The following SKAP1 variants were observed in gnomAD, a reference collection of about 807,000 sequenced individuals.
SKAP1 encodes src kinase associated phosphoprotein 1, also known as src kinase-associated phosphoprotein 1.
Under a neutral mutation model 58.5 loss-of-function variants are expected in SKAP1, and 44 were observed. That is an observed-to-expected ratio of 0.75 (90% CI 0.59 to 0.97). The LOEUF (loss-of-function observed/expected upper bound fraction) is 0.97. Among genes scored for constraint, SKAP1 ranks in the 50% least tolerant of loss-of-function variants. The probability of loss-of-function intolerance (pLI) is 0.00; values close to 1 mark genes in which losing one functional copy is unlikely to be tolerated. For missense variants in SKAP1, 390 were observed against 435.2 expected (o/e 0.90, Z 0.92); for synonymous variants, 127 against 149.7 (o/e 0.85, Z 1.11).
chr17:48,134,080 C>T (rs2063670567), intron 12 of SKAP1, among the ~76,000 whole-genome samples: 1 of 151,928 alleles, frequency 6.6e-6, no homozygotes, highest in Non-Finnish European at 1.5e-5. Context: ...TTAAACTTAC[C>T]AACATATTTC....
intron 11 of SKAP1, among the ~76,000 whole-genome samples, chr17:48,146,127 C>T (rs2063829874): frequency 6.6e-6 from 1 of 152,082 alleles, no homozygotes; most frequent in Admixed American, 6.6e-5. Context: ...TCTTTATGGG[C>T]TGGATCTGTA....
chr17:48,279,507 G>A (rs911235275), intron 4 of SKAP1, among the ~76,000 whole-genome samples: 3 of 152,214 alleles, frequency 2.0e-5, no homozygotes, highest in Admixed American at 6.5e-5. Flanking sequence ...AAATCTACTG[G>A]AAATTTTACA....
chr17:48,364,943 G>C (rs1236707264), intron 2 of SKAP1, among the ~76,000 whole-genome samples: 1 of 151,770 alleles, frequency 6.6e-6, no homozygotes, highest in Non-Finnish European at 1.5e-5. Flanking sequence ...GAATGCAATG[G>C]CATGAACGTC....
At chr17:48,386,900 G>A (rs2067285102) in intron 2 of SKAP1, among the ~76,000 whole-genome samples, 1 of 152,190 alleles carries the variant, frequency 6.6e-6, no homozygotes, top group African/African-American at 2.4e-5. Context: ...TTCAGTAGAA[G>A]AACAAGAGAC....
At chr17:48,433,988 C>T (rs2067929944), upstream of SKAP1, among the ~76,000 whole-genome samples, 1 of 152,238 alleles carries the variant, frequency 6.6e-6, no homozygotes, top group South Asian at 2.1e-4. Context: ...AGCTGGCTGG[C>T]ACCGCTCTGC....
At chr17:48,237,886 T>C (rs1176447082) in intron 4 of SKAP1, among the ~76,000 whole-genome samples, 1 of 151,342 alleles carries the variant, frequency 6.6e-6, no homozygotes, top group African/African-American at 2.4e-5. Context: ...AAGACTGGGC[T>C]GGTGAAGGGA....
intron 4 of SKAP1, among the ~76,000 whole-genome samples, chr17:48,216,085 C>T (rs995559573): frequency 6.6e-6 from 1 of 152,164 alleles, no homozygotes; most frequent in African/African-American, 2.4e-5. Flanking sequence ...GAAATTACCT[C>T]ATTCTGAGCT....
chr17:48,161,820 G>A (rs1174449953), intron 11 of SKAP1, among the ~76,000 whole-genome samples: 2 of 152,068 alleles, frequency 1.3e-5, no homozygotes, highest in Non-Finnish European at 2.9e-5. Context: ...TAGCCAGAAT[G>A]TTTTCAATAG....
At chr17:48,343,316 C>T (rs2144319704) in intron 4 of SKAP1, among the ~76,000 whole-genome samples, 1 of 152,236 alleles carries the variant, frequency 6.6e-6, no homozygotes, top group South Asian at 2.1e-4. Context: ...AAAATTTTGA[C>T]ACCTTTATAA....
chr17:48,284,322 T>G (rs1451963407), intron 4 of SKAP1, among the ~76,000 whole-genome samples: 4 of 152,226 alleles, frequency 2.6e-5, no homozygotes, highest in Non-Finnish European at 5.9e-5. Flanking sequence ...AATAAAAACT[T>G]TATGGTGGGT....
At chr17:48,328,899 C>T (rs1483779967) in intron 4 of SKAP1, among the ~76,000 whole-genome samples, 1 of 152,130 alleles carries the variant, frequency 6.6e-6, no homozygotes, top group Non-Finnish European at 1.5e-5. Context: ...ATACTATTTT[C>T]AGGTACTCTT....
chr17:48,321,788 C>A (rs753135772), intron 4 of SKAP1, among the ~76,000 whole-genome samples: 1 of 152,188 alleles, frequency 6.6e-6, no homozygotes, highest in Non-Finnish European at 1.5e-5. Flanking sequence ...TGGCAAGCAT[C>A]TCCTAATCTT....
intron 4 of SKAP1, among the ~76,000 whole-genome samples, chr17:48,291,326 T>A (rs894736819): frequency 1.3e-5 from 2 of 152,046 alleles, no homozygotes; most frequent in African/African-American, 4.8e-5. Context: ...GAAAAAAAAA[T>A]TACTCTCTCT....
Position 48,237,489 on chromosome 17 carries a change from T to C in SKAP1, c.281-47989A>G, listed in dbSNP as rs2065194346. Among the ~76,000 whole-genome samples the C allele has an allele frequency of 3.3e-5, 5 of 152,218 alleles. No homozygotes were observed. The South Asian group carries it at 1.0e-3, about 32-fold the overall frequency. On this transcript the variant is annotated intron_variant, in intron 4 of 12. Coordinates refer to ENST00000336915, the MANE Select transcript of SKAP1 (RefSeq NM_003726.4). ...AGCTATGCTGCCTTACTAAAGATTG[T>C]GTAAGCCATGGTACAGCATTTAAAT...
chr17:48,409,525 T>C (rs2067634824), intron 1 of SKAP1, among the ~76,000 whole-genome samples: 1 of 151,892 alleles, frequency 6.6e-6, no homozygotes, highest in East Asian at 1.9e-4. Context: ...AAGAATTAGC[T>C]GGGCATGGTG....
chr17:48,444,355 A>C, the SKAP1 span, among the ~76,000 whole-genome samples: 1 of 152,146 alleles, frequency 6.6e-6, no homozygotes, highest in Non-Finnish European at 1.5e-5. Flanking sequence ...GTGCCACTGC[A>C]CTCCAGCCTG....
intron 4 of SKAP1, among the ~76,000 whole-genome samples, chr17:48,329,412 ACAAT>A (rs1299025397): frequency 1.3e-5 from 2 of 152,222 alleles, no homozygotes. Context: ...TGGAGGAGTA[ACAAT>A]CAACGTGGCT....
chr17:48,189,358 C>G (rs563249464), intron 5 of SKAP1, 65 bp downstream of exon 5: 2 of 1,334,612 alleles, frequency 1.5e-6, no homozygotes, highest in South Asian at 1.2e-5. Flanking sequence ...AATGTGTTAG[C>G]CTTCTTTTTC....
intron 4 of SKAP1, among the ~76,000 whole-genome samples, chr17:48,260,708 T>A (rs1470108712): frequency 6.6e-6 from 1 of 152,136 alleles, no homozygotes; most frequent in Admixed American, 6.5e-5. Flanking sequence ...GTTAATGACA[T>A]TATTTATATC....
Sources: gnomAD v4.1 joint callset for allele counts (sites outside exome capture counted in the v4.1 genomes callset) on GRCh38, gnomAD v4.1.1 for gene constraint, MANE v1.5 for transcripts, NCBI Gene and HGNC (gene_info 2026-07-23, HGNC 2026-07-21) for gene names.